PPP2CA: variants seen among roughly 807,000 people sequenced by gnomAD.
PPP2CA encodes the protein protein phosphatase 2 catalytic subunit alpha.
Under a neutral mutation model 38.8 loss-of-function variants are expected in PPP2CA, and 5 were observed. The observed-to-expected ratio is 0.13, with a 90% CI of 0.07 to 0.27. PPP2CA has a LOEUF of 0.27. PPP2CA is among the 10% of genes least tolerant of loss of function. PPP2CA has a pLI of 1.00. For synonymous variants in PPP2CA, 152 were observed against 134.0 expected (o/e 1.13, Z -0.93); for missense variants, 88 against 389.7 (o/e 0.23, Z 6.52).
intron 1 of PPP2CA, among the ~76,000 whole-genome samples, chr5:134,220,313 G>A (rs1762408240): frequency 6.6e-6 from 1 of 151,718 alleles, no homozygotes; most frequent in African/African-American, 2.4e-5. Flanking sequence ...ACAAAAATTA[G>A]CTGGGTGTGG....
chr5:134,204,313 G>C (rs1369521846), intron 2 of PPP2CA, among the ~76,000 whole-genome samples: 3 of 152,220 alleles, frequency 2.0e-5, no homozygotes, highest in Non-Finnish European at 4.4e-5. Context: ...TATTTAAAGG[G>C]AAAGGCGGAA....
At chr5:134,200,188 T>C in intron 5 of PPP2CA, 147 bp downstream of exon 5, 1 of 780,114 alleles carries the variant, frequency 1.3e-6, no homozygotes, top group Non-Finnish European at 1.9e-6. Flanking sequence ...AGTGTGCATC[T>C]ACTGAAAAGG....
intron 2 of PPP2CA, among the ~76,000 whole-genome samples, chr5:134,204,987 T>C (rs1226387173): frequency 6.6e-6 from 1 of 150,612 alleles, no homozygotes; most frequent in Non-Finnish European, 1.5e-5. Flanking sequence ...AGTTAGAGTG[T>C]AGGGTGGCAA....
intron 6 of PPP2CA, among the ~76,000 whole-genome samples, chr5:134,198,656 C>G (rs1761910218): frequency 6.6e-6 from 1 of 152,162 alleles, no homozygotes; most frequent in Non-Finnish European, 1.5e-5. Context: ...ACCTCTGCCT[C>G]CCGGATTCAT....
At chr5:134,206,696 C>T (rs1561737383) in intron 1 of PPP2CA, among the ~76,000 whole-genome samples, 1 of 152,146 alleles carries the variant, frequency 6.6e-6, no homozygotes, top group African/African-American at 2.4e-5. Flanking sequence ...CTCACGTGAT[C>T]CTCCACCCTC....
intron 6 of PPP2CA, 51 bp downstream of exon 6, chr5:134,199,035 A>G: frequency 7.0e-7 from 1 of 1,431,382 alleles, no homozygotes; most frequent in Non-Finnish European, 9.9e-7. Context: ...AAATAAACCA[A>G]AACCCTACAT....
intron 1 of PPP2CA, among the ~76,000 whole-genome samples, chr5:134,222,375 C>G (rs1278532603): frequency 2.6e-5 from 4 of 152,160 alleles, no homozygotes; most frequent in Non-Finnish European, 4.4e-5. Context: ...AGAATGTCAT[C>G]TTGGTCAAAT....
chr5:134,219,785 C>A (rs1368311181), intron 1 of PPP2CA, among the ~76,000 whole-genome samples: 2 of 150,974 alleles, frequency 1.3e-5, no homozygotes, highest in African/African-American at 4.9e-5. Context: ...CTGAGGCGGG[C>A]GGATCACTTG....
intron 1 of PPP2CA, among the ~76,000 whole-genome samples, chr5:134,218,401 G>C (rs1323347655): frequency 6.6e-6 from 1 of 152,134 alleles, no homozygotes; most frequent in Non-Finnish European, 1.5e-5. Flanking sequence ...CAAAAGGAAA[G>C]ATCCTTAAAG....
In PPP2CA at chr5:134,197,705, T is replaced by G; in HGVS notation, c.*67A>C. 7.8e-7 allele frequency: 1 copy of G among 1,287,120 alleles called. No individual in the cohort carries two copies. Among genetic ancestry groups the G allele is most frequent in the Non-Finnish European group, 1.1e-6 (1 of 888,600 alleles). 79.7% of individuals were successfully genotyped at this position (1,287,120 alleles called of 1,614,324 possible). On this transcript the variant is annotated 3_prime_UTR_variant, in exon 7 of 7. Transcript: ENST00000481195. ...ATTTTCTGACACTTTGGAGTTACTG[T>G]TGCTCTTCCCATTTCCATTAGGTCG... is the stretch of plus-strand genomic sequence containing the variant.
intron 1 of PPP2CA, among the ~76,000 whole-genome samples, chr5:134,208,424 A>G (rs1008877310): frequency 6.6e-6 from 1 of 152,238 alleles, no homozygotes; most frequent in Non-Finnish European, 1.5e-5. Context: ...AAACTATACA[A>G]ATTAGTAATA....
chr5:134,223,408 G>C (rs1762490239), intron 1 of PPP2CA, among the ~76,000 whole-genome samples: 1 of 152,168 alleles, frequency 6.6e-6, no homozygotes, highest in Non-Finnish European at 1.5e-5. Flanking sequence ...AATTAATTTA[G>C]TTTGGAAGTT....
At chr5:134,219,154 A>G (rs1023748591) in intron 1 of PPP2CA, among the ~76,000 whole-genome samples, 2 of 152,242 alleles carry the variant, frequency 1.3e-5, no homozygotes, top group Non-Finnish European at 2.9e-5. Context: ...ATTCTAAAAC[A>G]TTCCCTATCT....
At chr5:134,224,403 A>T in intron 1 of PPP2CA, 1 of 408,302 alleles carries the variant, frequency 2.4e-6, no homozygotes, top group Admixed American at 3.3e-5. Flanking sequence ...TGACTTACTT[A>T]AATTCCAATT....
chr5:134,222,975 T>C (rs2149389302), intron 1 of PPP2CA, among the ~76,000 whole-genome samples: 1 of 152,334 alleles, frequency 6.6e-6, no homozygotes, highest in East Asian at 1.9e-4. Context: ...CATGTAACAC[T>C]GTTAATTGTT....
At chr5:134,198,523 CAAAACTT>C (rs1212053311) in intron 6 of PPP2CA, among the ~76,000 whole-genome samples, 1 of 151,296 alleles carries the variant, frequency 6.6e-6, no homozygotes, top group Non-Finnish European at 1.5e-5. Flanking sequence ...AAAAAAAAAA[CAAAACTT>C]AAAAATAAAA....
Position 134,194,871 on chromosome 5 carries a change from G to A in PPP2CA, c.*2901C>T, listed in dbSNP as rs1473427957. 1.3e-5 allele frequency: 2 copies of A among 152,118 alleles called. No homozygotes were observed. The highest frequency in any genetic ancestry group is 6.5e-5 in the Admixed American group (1 of 15,268). The allele number at this position is 152,118 out of a possible 1,614,324, so 9.4% of individuals were successfully genotyped here. On this transcript the variant is annotated 3_prime_UTR_variant, in exon 7 of 7. Coordinates refer to ENST00000481195, the MANE Select transcript of PPP2CA (RefSeq NM_002715.4). ...GATCCACCCACCCCGGCCTCCCCAA[G>A]TGCTGGGATTACAGGCATGAGCCAC...
chr5:134,205,837 A>G, intron 2 of PPP2CA, 85 bp downstream of exon 2: 1 of 1,177,056 alleles, frequency 8.5e-7, no homozygotes, highest in African/African-American at 1.5e-5. Context: ...TAACATTCAG[A>G]TAGAGAAAAT....
At chr5:134,216,573 A>G (rs1390597619) in intron 1 of PPP2CA, among the ~76,000 whole-genome samples, 1 of 145,524 alleles carries the variant, frequency 6.9e-6, no homozygotes, top group Non-Finnish European at 1.5e-5. Context: ...TTCCTTCAAA[A>G]GAAGGTAGTC....
Sources: gnomAD v4.1 joint callset for allele counts (sites outside exome capture counted in the v4.1 genomes callset) on GRCh38, gnomAD v4.1.1 for gene constraint, MANE v1.5 for transcripts, NCBI Gene and HGNC (gene_info 2026-07-23, HGNC 2026-07-21) for gene names.